The following SNRPN variants were observed in gnomAD, a reference collection of about 807,000 sequenced individuals.
The protein encoded by SNRPN is small nuclear ribonucleoprotein polypeptide N, also known as small nuclear ribonucleoprotein-associated protein N.
Under a neutral mutation model 25.2 loss-of-function variants are expected in SNRPN, and 7 were observed. The ratio of observed to expected loss-of-function variants is 0.28; its 90% CI spans 0.16 to 0.52. The LOEUF is 0.52. Among genes scored for constraint, SNRPN ranks in the 20% least tolerant of loss-of-function variants. The probability of loss-of-function intolerance (pLI) is 0.96; values close to 1 mark genes in which losing one functional copy is unlikely to be tolerated. For missense variants in SNRPN, 196 were observed against 322.5 expected, an observed-to-expected ratio of 0.61 and a Z score of 3.00; for synonymous variants, 124 against 110.6, an observed-to-expected ratio of 1.12 and a Z score of -0.76.
chr15:24,885,071 A>G (rs180864627), intron 1 of SNRPN, among the ~76,000 whole-genome samples: 371 of 152,332 alleles, frequency 2.4e-3, no homozygotes, highest in African/African-American at 8.7e-3. Context: ...AAAATTTACT[A>G]TTCTGTTGAT....
intron 2 of SNRPN, among the ~76,000 whole-genome samples, chr15:24,887,537 C>T (rs2057303172): frequency 6.6e-6 from 1 of 151,770 alleles, no homozygotes; most frequent in African/African-American, 2.4e-5. Flanking sequence ...GGTGTGGTGG[C>T]TCACACCTGT....
intron 1 of SNRPN, among the ~76,000 whole-genome samples, chr15:24,872,871 CAAAAAAAAAAAAAAAA>C (rs202062268): frequency 1.7e-5 from 1 of 59,334 alleles, no homozygotes. Flanking sequence ...GACTCCGTCT[CAAAAAAAAAAAAAAAA>C]AAAAAAAAAT....
At chr15:24,848,076 C>T (rs2052362756) in intron 2 of SNRPN, among the ~76,000 whole-genome samples, 1 of 151,988 alleles carries the variant, frequency 6.6e-6, no homozygotes, top group Admixed American at 6.6e-5. Flanking sequence ...GCCGGGACTC[C>T]TGGTCCCCCG....
chr15:24,962,311 A>C, intron 2 of SNRPN, 102 bp downstream of exon 2: 1 of 895,194 alleles, frequency 1.1e-6, no homozygotes, highest in South Asian at 1.4e-5. Context: ...ATAATTGAAG[A>C]AGCAGACACA....
intron 3 of SNRPN, among the ~76,000 whole-genome samples, chr15:24,973,158 G>A (rs1485110086): frequency 2.0e-5 from 3 of 152,088 alleles, no homozygotes; most frequent in Admixed American, 2.0e-4. Flanking sequence ...CAAAGTGTTG[G>A]GATTATGGGC....
upstream of SNRPN, among the ~76,000 whole-genome samples, chr15:24,950,544 CTTT>C (rs1024998270): frequency 3.2e-4 from 31 of 97,126 alleles, 1 homozygote; most frequent in African/African-American, 4.5e-4. Context: ...GTTCTCATTT[CTTT>C]TTTTTTTTTT....
At position 24,886,515 on chromosome 15, in the gene SNRPN, G is replaced by T. The variant is rs891185935; in HGVS notation, c.-578-1G>T. 1 of 151,646 alleles carries T rather than the reference G, an allele frequency of 6.6e-6. No individual in the cohort carries two copies. The highest frequency in any genetic ancestry group is 6.6e-5 in the Admixed American group (1 of 15,260). The allele number at this position is 151,646 out of a possible 1,614,324, so 9.4% of individuals were successfully genotyped here. Reference sequence around the variant, plus strand: ...ATTGAATATGACTTTTTCTTTAACAGATACTTTGACGAAGGTAATTGGGAC... The same window carrying T: ...ATTGAATATGACTTTTTCTTTAACATATACTTTGACGAAGGTAATTGGGAC... On this transcript the variant is annotated splice_acceptor_variant, in intron 1 of 11. Transcript: ENST00000400097. LOFTEE classifies it low-confidence loss of function (5UTR_SPLICE).
rs1349181843 is a variant in SNRPN, at chr15:24,978,599, A to AT, written c.*162dup. The AT allele has an allele frequency of 8.2e-6, 6 of 734,844 alleles. No individual in the cohort carries two copies. The highest frequency in any genetic ancestry group is 5.1e-5 in the East Asian group (2 of 39,396). The allele number at this position is 734,844 out of a possible 1,614,324, so 45.5% of individuals were successfully genotyped here. A position where few individuals can be genotyped will look rare whatever the true frequency, so the allele number is the denominator to read the frequency against. Reference sequence around the variant, plus strand: ...TAAACTGTGAGGTACTGTTGTATATATTTTTTTGCCTGTTGATTTTGATGA... The same window carrying AT: ...TAAACTGTGAGGTACTGTTGTATATATTTTTTTTGCCTGTTGATTTTGATGA... On this transcript the variant is annotated 3_prime_UTR_variant, in exon 10 of 10. Transcript: ENST00000390687.
At chr15:24,972,547 T>G (rs1247107727) in intron 3 of SNRPN, among the ~76,000 whole-genome samples, 1 of 149,962 alleles carries the variant, frequency 6.7e-6, no homozygotes, top group African/African-American at 2.4e-5. Flanking sequence ...TATTCTTTTT[T>G]TTTTTTTTTT....
chr15:24,915,421 C>T (rs144801456), intron 2 of SNRPN, among the ~76,000 whole-genome samples: 5 of 152,228 alleles, frequency 3.3e-5, no homozygotes, highest in South Asian at 2.1e-4. Context: ...CCACCTTGCC[C>T]GGCCGAGAAG....
At chr15:24,892,722 G>A (rs2057775834) in intron 2 of SNRPN, among the ~76,000 whole-genome samples, 1 of 144,418 alleles carries the variant, frequency 6.9e-6, no homozygotes. Context: ...GGGTGGCAGA[G>A]TGAGACTCCA....
At chr15:24,942,863 G>A (rs529231464) in intron 3 of SNRPN, among the ~76,000 whole-genome samples, 1 of 152,248 alleles carries the variant, frequency 6.6e-6, no homozygotes, top group African/African-American at 2.4e-5. Flanking sequence ...CCAAACCCAT[G>A]CGTAACCTTC....
upstream of SNRPN, among the ~76,000 whole-genome samples, chr15:24,855,814 A>G (rs2053330335): frequency 7.4e-6 from 1 of 135,712 alleles, no homozygotes; most frequent in Non-Finnish European, 1.6e-5. Context: ...AAAAAAAAAA[A>G]GGTATTCTAC....
chr15:24,954,938 C>T (rs2062587448), upstream of SNRPN: 3 of 1,510,998 alleles, frequency 2.0e-6, no homozygotes, highest in Admixed American at 3.7e-5. Context: ...GGCGCGCATG[C>T]TCAGGCGGGG....
intron 1 of SNRPN, among the ~76,000 whole-genome samples, chr15:24,828,714 G>A (rs1029825591): frequency 6.6e-6 from 1 of 152,116 alleles, no homozygotes; most frequent in East Asian, 1.9e-4. Context: ...AATATAGCTA[G>A]GCTCCATCTC....
intron 2 of SNRPN, among the ~76,000 whole-genome samples, chr15:24,967,658 A>G (rs995459707): frequency 1.5e-4 from 21 of 140,510 alleles, no homozygotes; most frequent in African/African-American, 5.3e-4. Flanking sequence ...AAAAAAAAAA[A>G]TTAGCTGGGT....
At chr15:24,850,822 G>A (rs187987979) in intron 2 of SNRPN, 2 of 152,134 alleles carry the variant, frequency 1.3e-5, no homozygotes, top group Non-Finnish European at 2.9e-5. Flanking sequence ...GCAAAAGGGA[G>A]CAAAAGAACC....
rs894965761 is a variant in SNRPN, at chr15:24,929,237, G to A, written c.-391+9113G>A. On this transcript the variant is annotated intron_variant, in intron 3 of 11. Coordinates refer to the SNRPN transcript ENST00000400097. This position sits in a 1 kb window ranked among gnomAD's most constrained non-coding sequence, Gnocchi z 5.3. Reference sequence around the variant, plus strand: ...GATATTTTCCATCCCAATCTACACCGCAGGGTTTTTCCTTGCCTTCCTATT... The same window carrying A: ...GATATTTTCCATCCCAATCTACACCACAGGGTTTTTCCTTGCCTTCCTATT... 7.2e-5 allele frequency among the ~76,000 whole-genome samples: 11 copies of A among 152,002 alleles called. No individual in the cohort carries two copies. Among genetic ancestry groups the A allele is most frequent in the Middle Eastern group, 3.4e-3 (1 of 294 alleles).
intron 1 of SNRPN, among the ~76,000 whole-genome samples, chr15:24,877,087 G>T (rs1184158587): frequency 6.6e-6 from 1 of 152,148 alleles, no homozygotes; most frequent in Non-Finnish European, 1.5e-5. Context: ...ATGGGGTTTA[G>T]GTTCAGATTC....
Sources: allele counts gnomAD v4.1 joint callset (sites outside exome capture counted in the v4.1 genomes callset), GRCh38; gene constraint gnomAD v4.1.1; non-coding constraint Gnocchi (gnomAD v3.1); transcripts MANE v1.5; gene names NCBI Gene and HGNC (gene_info 2026-07-23, HGNC 2026-07-21).